ROBO1: variants seen among roughly 807,000 people sequenced by gnomAD.
The protein encoded by ROBO1 is roundabout homolog 1.
Under a neutral mutation model 195.9 loss-of-function variants are expected in ROBO1, and 149 were observed. The ratio of observed to expected loss-of-function variants is 0.76; its 90% CI spans 0.67 to 0.87. The LOEUF (loss-of-function observed/expected upper bound fraction) is 0.87, where lower values mean the gene tolerates loss of function less well. Among genes scored for constraint, ROBO1 ranks in the 40% least tolerant of loss-of-function variants. The pLI, the probability that ROBO1 is intolerant of heterozygous loss-of-function variation, is 0.00. For missense variants in ROBO1, 1,933 were observed against 2,068.3 expected, an observed-to-expected ratio of 0.93 and a Z score of 1.27; for synonymous variants, 816 against 733.2, an observed-to-expected ratio of 1.11 and a Z score of -1.82.
intron 3 of ROBO1, among the ~76,000 whole-genome samples, chr3:79,058,406 C>T (rs1267321699): frequency 6.6e-6 from 1 of 152,018 alleles, no homozygotes; most frequent in Non-Finnish European, 1.5e-5. Flanking sequence ...CTCCCCAAGG[C>T]CTCGTATGAT....
At chr3:78,725,286 G>T (rs986160348) in intron 5 of ROBO1, among the ~76,000 whole-genome samples, 1 of 152,128 alleles carries the variant, frequency 6.6e-6, no homozygotes, top group Non-Finnish European at 1.5e-5. Context: ...TTGGGAAAGA[G>T]ACAGAGAGGA....
chr3:78,932,051 A>G, intron 4 of ROBO1, among the ~76,000 whole-genome samples: 1 of 152,330 alleles, frequency 6.6e-6, no homozygotes, highest in Middle Eastern at 3.4e-3. Flanking sequence ...AAAATTAATT[A>G]TACTAAGGTT....
chr3:78,664,441 C>G (rs779226852), intron 14 of ROBO1, among the ~76,000 whole-genome samples: 6 of 152,144 alleles, frequency 3.9e-5, no homozygotes, highest in Non-Finnish European at 5.9e-5. Context: ...ATCATAGTAA[C>G]TAACAATGGT....
intron 10 of ROBO1, chr3:78,670,561 T>A: frequency 2.4e-6 from 1 of 415,462 alleles, no homozygotes; most frequent in Non-Finnish European, 4.4e-6. Flanking sequence ...TTTAAAGAGT[T>A]CGGGAATTAG....
intron 3 of ROBO1, among the ~76,000 whole-genome samples, chr3:79,054,320 A>G (rs1191754954): frequency 6.6e-6 from 1 of 152,154 alleles, no homozygotes; most frequent in Non-Finnish European, 1.5e-5. Flanking sequence ...GTCATGCTGA[A>G]CTATACCCTG....
chr3:78,839,298 ATAATGATGTATAATG>A (rs1191962319), intron 4 of ROBO1, among the ~76,000 whole-genome samples: 2 of 152,112 alleles, frequency 1.3e-5, no homozygotes, highest in African/African-American at 2.4e-5. Flanking sequence ...ATGTATCCGT[ATAATGATGTATAATG>A]TAATGATGTA....
At chr3:79,076,246 G>T (rs1481969163) in intron 3 of ROBO1, among the ~76,000 whole-genome samples, 5 of 145,448 alleles carry the variant, frequency 3.4e-5, no homozygotes, top group African/African-American at 1.2e-4. Context: ...ATAAATATAA[G>T]TATATATATA....
At chr3:79,540,405 C>T (rs1247098848) in intron 2 of ROBO1, among the ~76,000 whole-genome samples, 1 of 152,084 alleles carries the variant, frequency 6.6e-6, no homozygotes, top group East Asian at 1.9e-4. Context: ...TCAATCCAAA[C>T]TAATGGTGAA....
intron 1 of ROBO1, among the ~76,000 whole-genome samples, chr3:79,609,023 T>A (rs1359967563): frequency 1.3e-5 from 2 of 151,940 alleles, no homozygotes; most frequent in African/African-American, 4.8e-5. Context: ...TTCGTCCCAT[T>A]TGTCCTTTTG....
chr3:79,714,801 G>T (rs1416082974), intron 1 of ROBO1, among the ~76,000 whole-genome samples: 3 of 143,938 alleles, frequency 2.1e-5, no homozygotes, highest in Admixed American at 7.2e-5. Flanking sequence ...TGAACAATGG[G>T]AACACATGGG....
At chr3:78,612,049 A>G (rs763231518) in intron 28 of ROBO1, among the ~76,000 whole-genome samples, 1 of 152,218 alleles carries the variant, frequency 6.6e-6, no homozygotes, top group Non-Finnish European at 1.5e-5. Flanking sequence ...ACTGAGAAGG[A>G]TCATCGCAAA....
intron 3 of ROBO1, chr3:79,019,397 C>T (rs2078048034): frequency 1.0e-6 from 1 of 986,086 alleles, no homozygotes; most frequent in Non-Finnish European, 1.2e-6. Context: ...CTCACCCCAG[C>T]TCCTCCCGGA....
intron 22 of ROBO1, among the ~76,000 whole-genome samples, chr3:78,637,356 T>C (rs1045173335): frequency 6.6e-6 from 1 of 152,180 alleles, no homozygotes; most frequent in African/African-American, 2.4e-5. Flanking sequence ...TAACAGTGGT[T>C]AAGAAATACT....
chr3:79,074,787 G>T (rs1384979045), intron 3 of ROBO1, among the ~76,000 whole-genome samples: 1 of 151,286 alleles, frequency 6.6e-6, no homozygotes, highest in African/African-American at 2.4e-5. Context: ...TTTAGTCCAT[G>T]TTTGGACTAA....
chr3:79,671,812 C>A (rs9809381), intron 1 of ROBO1, among the ~76,000 whole-genome samples: 1 of 151,676 alleles, frequency 6.6e-6, no homozygotes, highest in Non-Finnish European at 1.5e-5. Flanking sequence ...ATAACAGATG[C>A]CAATTAGCAT....
rs765254682 is a variant in ROBO1, at chr3:78,598,616, T to G, written c.*297A>C. ...AATGCAAAAGAACAGTTTTGTTCCC[T>G]CTTGCTGGCTGATGACTGAAGCAAG... On this transcript the variant is annotated 3_prime_UTR_variant, in exon 31 of 31. Transcript: ENST00000464233. 3.7e-6 allele frequency: 1 copy of G among 271,010 alleles called. No homozygotes were observed. The allele number at this position is 271,010 out of a possible 1,614,324, so 16.8% of individuals were successfully genotyped here. A position where few individuals can be genotyped will look rare whatever the true frequency, so the allele number is the denominator to read the frequency against.
At chr3:78,776,337 C>G (rs2083505307) in intron 4 of ROBO1, among the ~76,000 whole-genome samples, 1 of 152,128 alleles carries the variant, frequency 6.6e-6, no homozygotes, top group South Asian at 2.1e-4. Context: ...CTGCAACCTC[C>G]ACCTCCCGGG....
intron 3 of ROBO1, among the ~76,000 whole-genome samples, chr3:79,020,599 G>A (rs1254920773): frequency 2.6e-5 from 4 of 152,184 alleles, no homozygotes; most frequent in African/African-American, 9.7e-5. Flanking sequence ...GGCTAAGACA[G>A]AAGAATTGCT....
chr3:79,428,397 T>C (rs2038537744), intron 2 of ROBO1, among the ~76,000 whole-genome samples: 1 of 152,084 alleles, frequency 6.6e-6, no homozygotes, highest in Admixed American at 6.6e-5. Context: ...ATATGTTGAG[T>C]GCTTAGCACA....
Sources: gnomAD v4.1 joint callset for allele counts (sites outside exome capture counted in the v4.1 genomes callset) on GRCh38, gnomAD v4.1.1 for gene constraint, MANE v1.5 for transcripts, NCBI Gene and HGNC (gene_info 2026-07-23, HGNC 2026-07-21) for gene names.